The following ASRGL1 variants were observed in gnomAD, a reference collection of about 807,000 sequenced individuals.
ASRGL1 encodes the protein asparaginase and isoaspartyl peptidase 1.
ASRGL1 carries 16 observed loss-of-function variants against 22.4 expected under a neutral mutation model. The observed-to-expected ratio is 0.71, with a 90% CI of 0.48 to 1.08. The LOEUF is 1.08. Ranked by LOEUF, ASRGL1 falls within the 50% of genes least tolerant of loss-of-function variation. The probability of loss-of-function intolerance (pLI) is 0.00; values close to 1 mark genes in which losing one functional copy is unlikely to be tolerated. For synonymous variants in ASRGL1, 165 were observed against 159.3 expected, an observed-to-expected ratio of 1.04 and a Z score of -0.27; for missense variants, 412 against 410.1, an observed-to-expected ratio of 1.00 and a Z score of -0.04.
intron 4 of ASRGL1, among the ~76,000 whole-genome samples, chr11:62,362,714 T>TATTATATATTATATAAAA (rs1565162538): frequency 3.9e-4 from 20 of 51,822 alleles, no homozygotes; most frequent in East Asian, 1.6e-3. Context: ...ATAAAATATA[T>TATTATATATTATATAAAA]TATATGTTAT....
At chr11:62,347,628 G>GAA (rs35495143) in intron 2 of ASRGL1, among the ~76,000 whole-genome samples, 10 of 150,138 alleles carry the variant, frequency 6.7e-5, no homozygotes, top group East Asian at 1.9e-4. Flanking sequence ...AATATTTGGG[G>GAA]AAAAAAAAAA....
intron 2 of ASRGL1, among the ~76,000 whole-genome samples, chr11:62,355,295 G>A (rs375886092): frequency 2.6e-5 from 4 of 151,812 alleles, no homozygotes; most frequent in Admixed American, 6.6e-5. Flanking sequence ...GTGCAATCTC[G>A]GCTCACGGCA....
chr11:62,372,841 A>G, intron 4 of ASRGL1: 3 of 1,602,594 alleles, frequency 1.9e-6, no homozygotes, highest in South Asian at 2.2e-5. Flanking sequence ...GGGGCCACCA[A>G]CACCTCCCAT....
chr11:62,377,660 A>G (rs1946963619), intron 4 of ASRGL1, among the ~76,000 whole-genome samples: 1 of 152,208 alleles, frequency 6.6e-6, no homozygotes, highest in Non-Finnish European at 1.5e-5. Context: ...ATTCCCACAA[A>G]ATCAGTAAGA....
chr11:62,379,851 G>T (rs1947019898), intron 4 of ASRGL1, among the ~76,000 whole-genome samples: 1 of 152,170 alleles, frequency 6.6e-6, no homozygotes, highest in Non-Finnish European at 1.5e-5. Context: ...TTGTTGCAGG[G>T]CCTGAGGCTG....
In ASRGL1 at chr11:62,357,044, G is replaced by T; in HGVS notation, c.391G>T (p.Val131Phe). 1 of 1,614,100 alleles carries T rather than the reference G, an allele frequency of 6.2e-7. No homozygotes were observed. Among genetic ancestry groups the T allele is most frequent in the South Asian group, 1.1e-5 (1 of 91,082 alleles). The change falls in exon 4 of 7, where the codon GTT (valine) becomes TTT (phenylalanine). Residue 131 changes from valine (V) to phenylalanine (F), a missense_variant. By Grantham distance (50) the Val-to-Phe change is conservative. Coordinates refer to ENST00000415229, the MANE Select transcript of ASRGL1 (RefSeq NM_001083926.2). ...GAAQFAAAMG[V>F]PEIPGEKLVT... is the part of the protein sequence containing the mutation. ...AGCGCAGTTTGCAGCAGCTATGGGG[G>T]TTCCAGAGATTCCTGGAGAAAAACT...
chr11:62,385,946 A>G (rs559367412), intron 4 of ASRGL1, among the ~76,000 whole-genome samples: 8 of 151,760 alleles, frequency 5.3e-5, no homozygotes, highest in Non-Finnish European at 1.0e-4. Context: ...GGTGGATCAC[A>G]AGGTCAGGAG....
At chr11:62,399,654 GGT>G in the ASRGL1 span, among the ~76,000 whole-genome samples, 1 of 152,218 alleles carries the variant, frequency 6.6e-6, no homozygotes, top group Non-Finnish European at 1.5e-5. Context: ...GTGTCCTGCT[GGT>G]GTGAGCAAGA....
intron 4 of ASRGL1, among the ~76,000 whole-genome samples, chr11:62,386,620 T>A (rs1947217920): frequency 6.6e-6 from 1 of 152,208 alleles, no homozygotes; most frequent in African/African-American, 2.4e-5. Context: ...GTTTTACACC[T>A]ACTGCTGCTG....
downstream of ASRGL1, among the ~76,000 whole-genome samples, chr11:62,395,644 G>A (rs1051065969): frequency 6.6e-6 from 1 of 151,958 alleles, no homozygotes; most frequent in African/African-American, 2.4e-5. Context: ...GGTGTGTGGG[G>A]AAGGCTGGGA....
At chr11:62,391,877 TGGGA>T in intron 6 of ASRGL1, 198 bp from the exon 7 acceptor site, 3 of 739,710 alleles carry the variant, frequency 4.1e-6, no homozygotes, top group Non-Finnish European at 6.5e-6. Flanking sequence ...AGCCTGGATG[TGGGA>T]GGGAAGACCC....
intron 5 of ASRGL1, 163 bp downstream of exon 5, chr11:62,389,414 T>A (rs778434905): frequency 8.0e-6 from 6 of 747,252 alleles, no homozygotes; most frequent in East Asian, 5.4e-5. Flanking sequence ...AAGGGGTTGT[T>A]CGGGGTGCTG....
At chr11:62,357,312 C>T (rs1227878836) in intron 4 of ASRGL1, 168 bp downstream of exon 4, 9 of 764,380 alleles carry the variant, frequency 1.2e-5, no homozygotes, top group South Asian at 8.7e-5. Context: ...TACAGTGGTG[C>T]GATCTCGGCT....
Position 62,357,041 on chromosome 11 carries a change from G to C in ASRGL1, c.388G>C (p.Gly130Arg), listed in dbSNP as rs200094029. 217 of 1,613,966 alleles carry C rather than the reference G, an allele frequency of 1.3e-4. No individual in the cohort carries two copies. Among genetic ancestry groups the C allele is most frequent in the Non-Finnish European group, 1.9e-5 (23 of 1,180,020 alleles). Residue 130 changes from glycine (G) to arginine (R), a missense_variant, in exon 4 of 7, where the codon GGG becomes CGG. Coordinates refer to ENST00000415229, the MANE Select transcript of ASRGL1 (RefSeq NM_001083926.2). ...CGCAGCGCAGTTTGCAGCAGCTATG[G>C]GGGTTCCAGAGATTCCTGGAGAAAA... ...QGAAQFAAAM[G>R]VPEIPGEKLV... is the part of the protein sequence containing the mutation.
At chr11:62,389,011 A>C in intron 4 of ASRGL1, 122 bp from the exon 5 acceptor site, 4 of 836,514 alleles carry the variant, frequency 4.8e-6, no homozygotes, top group Non-Finnish European at 7.8e-6. Context: ...AGAATGTTGG[A>C]ATTAAATGGG....
chr11:62,380,243 A>G (rs1381606645), intron 4 of ASRGL1, among the ~76,000 whole-genome samples: 1 of 152,074 alleles, frequency 6.6e-6, no homozygotes, highest in Non-Finnish European at 1.5e-5. Context: ...TGGCTGATTG[A>G]CACTCAGGAT....
chr11:62,355,346 C>A (rs1299927741), intron 2 of ASRGL1, among the ~76,000 whole-genome samples: 1 of 152,216 alleles, frequency 6.6e-6, no homozygotes, highest in Non-Finnish European at 1.5e-5. Flanking sequence ...CTGCCTCAGC[C>A]TCCCGAGTAG....
rs1945758881 is a variant in ASRGL1, at chr11:62,337,808, C to G, written c.-88-82C>G. 3 of 650,784 alleles carry G rather than the reference C, an allele frequency of 4.6e-6. No individual in the cohort carries two copies. The East Asian group carries it at 1.0e-4, about 22-fold the overall frequency. The allele number at this position is 650,784 out of a possible 1,614,324, so 40.3% of individuals were successfully genotyped here. A position where few individuals can be genotyped will look rare whatever the true frequency, so the allele number is the denominator to read the frequency against. ...GCGCCGGGCCCCTGGGCTTTTCGTA[C>G]CAAGCTCGACCGAGCCGCCCCTACC... On this transcript the variant is annotated intron_variant, in intron 1 of 6. Transcript: ENST00000415229.
chr11:62,369,509 G>A (rs747007987), intron 4 of ASRGL1, among the ~76,000 whole-genome samples: 4 of 151,982 alleles, frequency 2.6e-5, no homozygotes, highest in Admixed American at 6.6e-5. Context: ...CTTGACGGTC[G>A]CTGTCTCTTC....
Sources: gnomAD v4.1 joint callset for allele counts (sites outside exome capture counted in the v4.1 genomes callset) on GRCh38, gnomAD v4.1.1 for gene constraint, MANE v1.5 for transcripts, NCBI Gene and HGNC (gene_info 2026-07-23, HGNC 2026-07-21) for gene names.